The following FREM1 variants were observed in gnomAD, a reference collection of about 807,000 sequenced individuals.
FREM1 encodes FRAS1 related extracellular matrix 1.
A neutral mutation model predicts 210.1 loss-of-function variants in FREM1; 220 were observed. That is an observed-to-expected ratio of 1.05 (90% CI 0.94 to 1.17). The LOEUF is 1.17. Among genes scored for constraint, FREM1 ranks in the 50% most tolerant of loss-of-function variants. FREM1 has a pLI of 0.00. For synonymous variants in FREM1, 1,189 were observed against 980.2 expected, an observed-to-expected ratio of 1.21 and a Z score of -3.98; for missense variants, 3,454 against 2,675.5, an observed-to-expected ratio of 1.29 and a Z score of -6.42.
chr9:14,841,706 G>C, intron 9 of FREM1, 117 bp from the exon 10 acceptor site: 1 of 625,022 alleles, frequency 1.6e-6, no homozygotes, highest in East Asian at 3.0e-5. Context: ...ATGTACCCAA[G>C]GAATCTGCAT....
At chr9:14,841,119 C>A (rs531418597) in intron 10 of FREM1, among the ~76,000 whole-genome samples, 1 of 152,328 alleles carries the variant, frequency 6.6e-6, no homozygotes, top group South Asian at 2.1e-4. Context: ...TGCAACCTAA[C>A]TCTAGAGCCT....
intron 8 of FREM1, among the ~76,000 whole-genome samples, chr9:14,844,033 G>A (rs966446876): frequency 5.3e-5 from 8 of 152,114 alleles, no homozygotes; most frequent in Non-Finnish European, 7.4e-5. Flanking sequence ...AAGTTGATAT[G>A]AGATAACAAG....
At chr9:14,758,725 G>T (rs974202306) in intron 28 of FREM1, among the ~76,000 whole-genome samples, 4 of 152,104 alleles carry the variant, frequency 2.6e-5, no homozygotes, top group Non-Finnish European at 5.9e-5. Flanking sequence ...CATCATTAGT[G>T]TGTACAAGTG....
At chr9:14,851,258 C>A (rs748246143) in intron 6 of FREM1, 26 bp downstream of exon 6, 1 of 1,528,162 alleles carries the variant, frequency 6.5e-7, no homozygotes, top group Non-Finnish European at 8.8e-7. Context: ...TCTAACTAGG[C>A]TGGAAGCTTT....
intron 1 of FREM1, among the ~76,000 whole-genome samples, chr9:14,885,814 T>C (rs1835708673): frequency 6.6e-6 from 1 of 152,230 alleles, no homozygotes; most frequent in Non-Finnish European, 1.5e-5. Context: ...ATCAAATAAC[T>C]AACATATCTA....
At chr9:14,774,540 TCTC>T (rs1848225495) in intron 25 of FREM1, among the ~76,000 whole-genome samples, 3 of 150,724 alleles carry the variant, frequency 2.0e-5, no homozygotes, top group African/African-American at 7.3e-5. Flanking sequence ...TCTCTCTCTC[TCTC>T]TCTCTCTCTC....
chr9:14,877,621 A>C (rs1392118545), intron 1 of FREM1, among the ~76,000 whole-genome samples: 1 of 152,060 alleles, frequency 6.6e-6, no homozygotes, highest in East Asian at 1.9e-4. Context: ...CTCTCTCGGC[A>C]GACTGGAACC....
intron 1 of FREM1, among the ~76,000 whole-genome samples, chr9:14,886,411 A>T (rs1239834920): frequency 2.1e-5 from 3 of 143,244 alleles, no homozygotes; most frequent in Non-Finnish European, 4.6e-5. Context: ...AAAAAAAAGG[A>T]AAAAGAAATA....
At chr9:14,868,708 C>T (rs1420979847) in intron 2 of FREM1, 36 bp downstream of exon 2, 2 of 1,335,002 alleles carry the variant, frequency 1.5e-6, no homozygotes, top group East Asian at 2.4e-5. Context: ...TGCATTCATA[C>T]ACACGACTGA....
intron 36 of FREM1, 83 bp from the exon 37 acceptor site, chr9:14,737,678 G>T: frequency 8.9e-7 from 1 of 1,123,844 alleles, no homozygotes; most frequent in Non-Finnish European, 1.2e-6. Flanking sequence ...TCTAAGCTCA[G>T]TTATCACATG....
intron 24 of FREM1, among the ~76,000 whole-genome samples, chr9:14,780,830 C>T (rs1849544628): frequency 6.6e-6 from 1 of 152,156 alleles, no homozygotes; most frequent in Non-Finnish European, 1.5e-5. Flanking sequence ...TTAAAAAGCA[C>T]CATGATCACA....
chr9:14,748,842 A>G (rs1842884443), intron 30 of FREM1, among the ~76,000 whole-genome samples: 1 of 152,210 alleles, frequency 6.6e-6, no homozygotes, highest in Non-Finnish European at 1.5e-5. Flanking sequence ...CTGCACATCT[A>G]TTGAGTGATT....
intron 22 of FREM1, chr9:14,790,637 T>C (rs1209564910): frequency 6.6e-6 from 1 of 151,938 alleles, no homozygotes; most frequent in African/African-American, 2.4e-5. Flanking sequence ...GACCCAGAAA[T>C]AGAAAGAAAA....
Position 14,747,015 on chromosome 9 carries a change from C to G in FREM1, c.6046G>C (p.Glu2016Gln), listed in dbSNP as rs774758614. 2 of 1,613,112 alleles carry G rather than the reference C, an allele frequency of 1.2e-6. No homozygotes were observed. The highest frequency in any genetic ancestry group is 8.5e-7 in the Non-Finnish European group (1 of 1,179,554). Residue 2016 changes from glutamate to glutamine, a missense_variant, in exon 34 of 37, where the codon GAA (glutamate) becomes CAA (glutamine). Physicochemically the swap from Glu to Gln is conservative, Grantham distance 29 (BLOSUM62 2). Coordinates refer to ENST00000380880, the MANE Select transcript of FREM1 (RefSeq NM_001379081.2). ...TCAAAATGGAAGAGTCCCTTTAATTCCAGAGTGCAGTTCTTTGGAAATGAG... is the reference window on the plus strand; with the variant it reads ...TCAAAATGGAAGAGTCCCTTTAATTGCAGAGTGCAGTTCTTTGGAAATGAG... ...LPSFPKNCTL[E>Q]LKGLFHFEEG...
intron 8 of FREM1, among the ~76,000 whole-genome samples, 178 bp from the exon 9 acceptor site, chr9:14,842,838 T>C (rs1426345651): frequency 6.6e-6 from 1 of 152,218 alleles, no homozygotes; most frequent in Non-Finnish European, 1.5e-5. Flanking sequence ...TTTTGAATAC[T>C]GGCTCCAACA....
rs777922925 is a variant in FREM1 at position 14,748,603 on chromosome 9, T to A, written c.5594A>T (p.Lys1865Met). The A allele has an allele frequency of 3.1e-5, 50 of 1,613,554 alleles. 1 individual carries two copies. In the Admixed American group the frequency reaches 8.2e-4, roughly 26 times the overall value. Residue 1865 changes from lysine to methionine, a missense_variant, in exon 31 of 37, where the codon AAG (lysine) becomes ATG (methionine). By Grantham distance (95) the Lys-to-Met change is moderately conservative. Coordinates refer to ENST00000380880, the MANE Select transcript of FREM1 (RefSeq NM_001379081.2). ...AATGCCCTTCTCCCATGTGCTGTGC[T>A]TGCTTTGGTTGGAGGAATATGAAGG... ...CHPSYSSNQS[K>M]HSTWEKGIWH...
At position 14,812,897 on chromosome 9, in the gene FREM1, A is replaced by G; in HGVS notation, c.2808T>C (p.His936=). The G allele has an allele frequency of 3.1e-6, 5 of 1,613,820 alleles. No homozygotes were observed. Among genetic ancestry groups the G allele is most frequent in the Non-Finnish European group, 4.2e-6 (5 of 1,179,786 alleles). Residue 936 remains histidine (H), a synonymous_variant, in exon 16 of 37, where the codon CAT becomes CAC. Transcript: ENST00000380880. Reference sequence around the variant, plus strand: ...TGACTCCAGCTCTCCTCACCACCCCATGCTGAGGTTCGCGAGCAATCACAA... The same window carrying G: ...TGACTCCAGCTCTCCTCACCACCCCGTGCTGAGGTTCGCGAGCAATCACAA... ...LMFVIAREPQ[H]GVVRRAGVTV...
intron 1 of FREM1, among the ~76,000 whole-genome samples, chr9:14,898,003 T>G (rs115640909): frequency 0.014 from 2,191 of 152,336 alleles, 23 homozygotes; most frequent in African/African-American, 0.024. Flanking sequence ...TTTTTCTTTC[T>G]TACAAATAAC....
In FREM1 at chr9:14,823,996, T is replaced by C. The variant is rs147017923; in HGVS notation, c.2169+29A>G. 3.8e-4 allele frequency: 541 copies of C among 1,416,582 alleles called. 1 individual carries two copies. The African/African-American group carries it at 6.6e-3, about 17-fold the overall frequency. The allele number at this position is 1,416,582 out of a possible 1,614,324, so 87.8% of individuals were successfully genotyped here. A position where few individuals can be genotyped will look rare whatever the true frequency, so the allele number is the denominator to read the frequency against. On this transcript the variant is annotated intron_variant, in intron 12 of 36. Transcript: ENST00000380880. ...CTTCTAAGGGCACACTTGCATCATG[T>C]TTGTCAGCATTTTAGCATATCCTCA...
Sources: allele counts gnomAD v4.1 joint callset (sites outside exome capture counted in the v4.1 genomes callset), GRCh38; gene constraint gnomAD v4.1.1; transcripts MANE v1.5; gene names NCBI Gene and HGNC (gene_info 2026-07-23, HGNC 2026-07-21).